The following NEO1 variants were observed in gnomAD, a reference collection of about 807,000 sequenced individuals.
NEO1 encodes the protein neogenin 1, also known as neogenin.
A neutral mutation model predicts 159.7 loss-of-function variants in NEO1; 63 were observed. The observed-to-expected ratio is 0.39, with a 90% CI of 0.32 to 0.49. NEO1 has a LOEUF of 0.49. Among genes scored for constraint, NEO1 ranks in the 20% least tolerant of loss-of-function variants. The pLI, the probability that NEO1 is intolerant of heterozygous loss-of-function variation, is 0.85. For synonymous variants in NEO1, 633 were observed against 662.0 expected (o/e 0.96, Z 0.67); for missense variants, 1,615 against 1,831.0 (o/e 0.88, Z 2.15).
intron 5 of NEO1, among the ~76,000 whole-genome samples, chr15:73,157,131 C>A (rs546743820): frequency 6.6e-6 from 1 of 152,206 alleles, no homozygotes; most frequent in Non-Finnish European, 1.5e-5. Context: ...TTAGGAGATA[C>A]AACCCAGCTT....
chr15:73,258,726 A>G (rs1242513243), intron 13 of NEO1, 40 bp from the exon 14 acceptor site: 22 of 1,533,664 alleles, frequency 1.4e-5, no homozygotes, highest in Non-Finnish European at 2.0e-5. Context: ...GTTTTTCCAA[A>G]GCTCTTGTTT....
chr15:73,302,578 G>T, intron 28 of NEO1, 35 bp from the exon 29 acceptor site: 2 of 1,596,442 alleles, frequency 1.3e-6, no homozygotes, highest in South Asian at 1.1e-5. Flanking sequence ...CTGCTCCCTG[G>T]ATCCAGCCCA....
intron 1 of NEO1, among the ~76,000 whole-genome samples, chr15:73,114,338 T>C (rs1567222770): frequency 6.6e-6 from 1 of 152,138 alleles, no homozygotes; most frequent in Non-Finnish European, 1.5e-5. Flanking sequence ...TTTCTTCAGG[T>C]TTCTTTGTAA....
intron 7 of NEO1, among the ~76,000 whole-genome samples, chr15:73,189,021 C>G (rs900283370): frequency 2.6e-5 from 4 of 152,086 alleles, no homozygotes; most frequent in African/African-American, 7.2e-5. Flanking sequence ...ATTGCTTGAG[C>G]CTGAGAGGTC....
intron 1 of NEO1, among the ~76,000 whole-genome samples, chr15:73,110,224 G>T (rs1030665666): frequency 6.6e-6 from 1 of 152,014 alleles, no homozygotes; most frequent in Non-Finnish European, 1.5e-5. Flanking sequence ...TTAACAAGTA[G>T]TAAAAAAAGA....
intron 21 of NEO1, among the ~76,000 whole-genome samples, chr15:73,275,991 G>A (rs1353549042): frequency 6.6e-6 from 1 of 152,220 alleles, no homozygotes; most frequent in Admixed American, 6.5e-5. Context: ...CTTTGGAAAT[G>A]TGTTTGCATT....
intron 11 of NEO1, among the ~76,000 whole-genome samples, chr15:73,250,436 A>G (rs1289906172): frequency 6.6e-6 from 1 of 152,192 alleles, no homozygotes; most frequent in East Asian, 1.9e-4. Context: ...TTACGTAAAC[A>G]CACATGCTTT....
At chr15:73,132,865 C>A (rs367947856) in intron 4 of NEO1, among the ~76,000 whole-genome samples, 2 of 151,972 alleles carry the variant, frequency 1.3e-5, no homozygotes, top group South Asian at 2.1e-4. Context: ...TGGCCATAAT[C>A]AAAAAATCAA....
At chr15:73,072,518 A>G (rs2068586356) in intron 1 of NEO1, among the ~76,000 whole-genome samples, 3 of 152,172 alleles carry the variant, frequency 2.0e-5, no homozygotes, top group South Asian at 4.1e-4. Flanking sequence ...TGCATGCTCT[A>G]TGTTGGGACC....
chr15:73,068,935 A>G (rs181415991), intron 1 of NEO1, among the ~76,000 whole-genome samples: 11 of 148,772 alleles, frequency 7.4e-5, no homozygotes, highest in Admixed American at 6.8e-4. Context: ...TGACTGATGT[A>G]AAACCTTTGA....
chr15:73,255,110 T>G (rs1481498862), intron 13 of NEO1, among the ~76,000 whole-genome samples: 1 of 152,238 alleles, frequency 6.6e-6, no homozygotes, highest in Non-Finnish European at 1.5e-5. Flanking sequence ...TATTGCTTTT[T>G]TGTAATCTTA....
At chr15:73,274,255 C>A (rs1214619411) in intron 20 of NEO1, among the ~76,000 whole-genome samples, 1 of 152,128 alleles carries the variant, frequency 6.6e-6, no homozygotes, top group African/African-American at 2.4e-5. Context: ...TGGGGCAGAT[C>A]AATTGCAGTG....
At chr15:73,301,531 C>T in intron 28 of NEO1, 74 bp downstream of exon 28, 1 of 1,597,644 alleles carries the variant, frequency 6.3e-7, no homozygotes, top group Non-Finnish European at 8.5e-7. Flanking sequence ...GCTGGTCAAG[C>T]TGATAATCTG....
intron 23 of NEO1, among the ~76,000 whole-genome samples, chr15:73,285,311 G>C (rs983865158): frequency 1.3e-5 from 2 of 152,104 alleles, no homozygotes; most frequent in African/African-American, 4.8e-5. Flanking sequence ...GTAGAGACAG[G>C]GTTTCACCAT....
chr15:73,066,782 G>A (rs1039204090), intron 1 of NEO1, among the ~76,000 whole-genome samples: 2 of 152,158 alleles, frequency 1.3e-5, no homozygotes, highest in African/African-American at 4.8e-5. Flanking sequence ...GTCCCCTTAG[G>A]GCTTGGGTCT....
At chr15:73,181,912 G>A (rs1004275358) in intron 7 of NEO1, among the ~76,000 whole-genome samples, 3 of 152,138 alleles carry the variant, frequency 2.0e-5, no homozygotes, top group Non-Finnish European at 4.4e-5. Context: ...CAAGTTCTGG[G>A]TAACTAGGTG....
At chr15:73,223,897 G>T (rs1260938574) in intron 7 of NEO1, among the ~76,000 whole-genome samples, 1 of 152,128 alleles carries the variant, frequency 6.6e-6, no homozygotes, top group East Asian at 1.9e-4. Context: ...TATAGATCTT[G>T]TGTGATTTAT....
rs115293772 is a variant in NEO1 at position 73,157,555 on chromosome 15, C to G, written c.1016-18848C>G. Reference sequence around the variant, plus strand: ...GACTGCAGAAATACACTCACTCACCCTCTCCCCTACTGGGGATACATTCCT... The same window carrying G: ...GACTGCAGAAATACACTCACTCACCGTCTCCCCTACTGGGGATACATTCCT... On this transcript the variant is annotated intron_variant, in intron 5 of 28. Coordinates refer to ENST00000261908, the MANE Select transcript of NEO1 (RefSeq NM_002499.4). 2.2e-3 allele frequency among the ~76,000 whole-genome samples: 337 copies of G among 152,330 alleles called. 1 individual carries two copies. Among genetic ancestry groups the G allele is most frequent in the African/African-American group, 7.7e-3 (322 of 41,586 alleles).
intron 1 of NEO1, among the ~76,000 whole-genome samples, chr15:73,056,025 GA>G (rs2067678731): frequency 6.6e-6 from 1 of 152,182 alleles, no homozygotes; most frequent in South Asian, 2.1e-4. Context: ...CTGCTAGAAT[GA>G]GCTTCCTGAA....
Sources: gnomAD v4.1 joint callset for allele counts (sites outside exome capture counted in the v4.1 genomes callset) on GRCh38, gnomAD v4.1.1 for gene constraint, MANE v1.5 for transcripts, NCBI Gene and HGNC (gene_info 2026-07-23, HGNC 2026-07-21) for gene names.